The following RB1 variants were observed in gnomAD, a reference collection of about 807,000 sequenced individuals.
RB1 encodes retinoblastoma-associated protein.
Under a neutral mutation model 135.4 loss-of-function variants are expected in RB1, and 18 were observed. The ratio of observed to expected loss-of-function variants is 0.13; its 90% CI spans 0.09 to 0.20. The LOEUF (loss-of-function observed/expected upper bound fraction) is 0.20, where lower values mean the gene tolerates loss of function less well. Among genes scored for constraint, RB1 ranks in the 10% least tolerant of loss-of-function variants. The probability of loss-of-function intolerance (pLI) is 1.00; values close to 1 mark genes in which losing one functional copy is unlikely to be tolerated. For synonymous variants in RB1, 365 were observed against 373.2 expected (o/e 0.98, Z 0.25); for missense variants, 868 against 1,110.0 (o/e 0.78, Z 3.10).
chr13:48,314,421 T>C (rs1952161702), intron 2 of RB1, among the ~76,000 whole-genome samples: 2 of 152,258 alleles, frequency 1.3e-5, no homozygotes, highest in African/African-American at 4.8e-5. Flanking sequence ...CTTGGTGATA[T>C]TATTATAAAT....
chr13:48,448,300 A>G (rs1051258318), intron 17 of RB1, among the ~76,000 whole-genome samples: 2 of 152,136 alleles, frequency 1.3e-5, no homozygotes, highest in African/African-American at 4.8e-5. Flanking sequence ...CAAAAATTAT[A>G]TGATTGGAGT....
In RB1 at chr13:48,367,615, G is replaced by A. The variant is rs2138121591; in HGVS notation, c.1049+12G>A. The stretch of plus-strand genomic sequence containing the variant: ...GATTCTATAGACAGGTATTGCACAT[G>A]GTATATTTGATTGATTTGCTTTAGA... On this transcript the variant is annotated intron_variant, in intron 10 of 26. Transcript: ENST00000267163. 2 of 1,599,212 alleles carry A rather than the reference G, an allele frequency of 1.3e-6. No homozygotes were observed. The highest frequency in any genetic ancestry group is 1.7e-6 in the Non-Finnish European group (2 of 1,171,040).
intron 17 of RB1, among the ~76,000 whole-genome samples, chr13:48,414,332 G>A (rs965166539): frequency 1.4e-5 from 2 of 146,408 alleles, no homozygotes; most frequent in Non-Finnish European, 3.0e-5. Flanking sequence ...GGGCGACAGC[G>A]AGACTATCTC....
intron 26 of RB1, among the ~76,000 whole-genome samples, chr13:48,478,521 A>C (rs555454865): frequency 2.6e-4 from 39 of 152,352 alleles, no homozygotes; most frequent in African/African-American, 8.7e-4. Context: ...ATATGCACTT[A>C]AAAAGGAGCT....
intron 17 of RB1, chr13:48,412,198 A>G: frequency 6.2e-7 from 1 of 1,613,992 alleles, no homozygotes; most frequent in South Asian, 1.1e-5. Flanking sequence ...GTTGTGAAGT[A>G]AAAAATCCTG....
chr13:48,476,027 G>A (rs921946265), intron 24 of RB1, among the ~76,000 whole-genome samples: 13 of 152,094 alleles, frequency 8.5e-5, no homozygotes, highest in Admixed American at 7.9e-4. Context: ...ATAGCAGCAC[G>A]GGATTTAGTT....
chr13:48,401,534 G>A (rs965763871), intron 17 of RB1: 1 of 152,008 alleles, frequency 6.6e-6, no homozygotes, highest in Admixed American at 6.6e-5. Context: ...CAACTTTTTG[G>A]CATTTCATTT....
intron 17 of RB1, among the ~76,000 whole-genome samples, chr13:48,383,361 T>C (rs749115478): frequency 6.6e-6 from 1 of 152,152 alleles, no homozygotes; most frequent in Non-Finnish European, 1.5e-5. Context: ...GGTTATGCTC[T>C]TCAAATCAAC....
intron 24 of RB1, 89 bp downstream of exon 24, chr13:48,473,479 A>G: frequency 8.6e-7 from 1 of 1,164,454 alleles, no homozygotes; most frequent in Admixed American, 1.8e-5. Context: ...TTCCAAATGC[A>G]GTTATTCAAA....
chr13:48,303,779 G>A lies in RB1; in HGVS notation c.-134G>A. 1.5e-6 allele frequency: 2 copies of A among 1,370,418 alleles called. No homozygotes were observed. Among genetic ancestry groups the A allele is most frequent in the Non-Finnish European group, 1.9e-6 (2 of 1,036,736 alleles). The allele number at this position is 1,370,418 out of a possible 1,614,324, so 84.9% of individuals were successfully genotyped here. ...TGCCGGGCGGGGGAGGGCGCGTCCG[G>A]TTTTTCTCAGGGGACGTTGAAATTA... On this transcript the variant is annotated 5_prime_UTR_variant, in exon 1 of 27. Coordinates refer to ENST00000267163, the MANE Select transcript of RB1 (RefSeq NM_000321.3).
At chr13:48,332,038 A>G (rs973653150) in intron 2 of RB1, among the ~76,000 whole-genome samples, 1 of 152,222 alleles carries the variant, frequency 6.6e-6, no homozygotes, top group African/African-American at 2.4e-5. Flanking sequence ...ATATATTGGA[A>G]TTTTATTCAG....
chr13:48,365,095 G>C (rs547355189), intron 9 of RB1, 124 bp downstream of exon 9: 1 of 1,225,964 alleles, frequency 8.2e-7, no homozygotes, highest in Admixed American at 3.2e-5. Flanking sequence ...GAAGAATCTA[G>C]CCAAGTAGAA....
chr13:48,332,772 G>A (rs1422738017), intron 2 of RB1, among the ~76,000 whole-genome samples: 4 of 152,182 alleles, frequency 2.6e-5, no homozygotes, highest in Admixed American at 2.6e-4. Context: ...TTGTAGTGCA[G>A]TAGTGCCCCC....
intron 17 of RB1, chr13:48,429,407 T>A (rs1949107696): frequency 6.6e-6 from 1 of 152,142 alleles, no homozygotes; most frequent in Non-Finnish European, 1.5e-5. Context: ...TATGGTGACC[T>A]CCTGGGAGCA....
At chr13:48,472,027 T>C (rs1269746929) in intron 23 of RB1, among the ~76,000 whole-genome samples, 1 of 152,224 alleles carries the variant, frequency 6.6e-6, no homozygotes, top group Non-Finnish European at 1.5e-5. Flanking sequence ...CATTATATTA[T>C]CTTCCACATC....
In RB1 at chr13:48,318,905, A is replaced by G. The variant is rs1170011034; in HGVS notation, c.264+11499A>G. 5 of 1,161,246 alleles carry G rather than the reference A, an allele frequency of 4.3e-6. No homozygotes were observed. The East Asian group carries it at 1.2e-4, about 28-fold the overall frequency. 71.9% of individuals were successfully genotyped at this position (1,161,246 alleles called of 1,614,324 possible). The stretch of plus-strand genomic sequence containing the variant: ...CTGATCGATGCTGTCGTCGCTGTCC[A>G]CGGAGCTACTGTCGCCGTCAGAGCG... On this transcript the variant is annotated intron_variant, in intron 2 of 26. Transcript: ENST00000267163.
At chr13:48,424,296 C>T (rs1949049252) in intron 17 of RB1, among the ~76,000 whole-genome samples, 1 of 152,176 alleles carries the variant, frequency 6.6e-6, no homozygotes, top group African/African-American at 2.4e-5. Context: ...AAGTGATTTA[C>T]CTTCCTTTCA....
chr13:48,436,805 G>A (rs1444653829), intron 17 of RB1, among the ~76,000 whole-genome samples: 2 of 152,122 alleles, frequency 1.3e-5, no homozygotes, highest in Admixed American at 6.5e-5. Flanking sequence ...TTCCTCTTGC[G>A]AGGCAAAACA....
chr13:48,461,090 T>C (rs198582), intron 20 of RB1, among the ~76,000 whole-genome samples: 126,893 of 152,242 alleles, frequency 0.83, 56,432 homozygotes, highest in East Asian at 1. Flanking sequence ...TTCACAGTTA[T>C]ACAAACATCA....
Sources: gnomAD v4.1 joint callset for allele counts (sites outside exome capture counted in the v4.1 genomes callset) on GRCh38, gnomAD v4.1.1 for gene constraint, MANE v1.5 for transcripts, NCBI Gene and HGNC (gene_info 2026-07-23, HGNC 2026-07-21) for gene names.